Variants in SEPTIN14 observed in about 807,000 individuals in gnomAD.
SEPTIN14 encodes the protein septin 14, also known as septin-14.
A neutral mutation model predicts 53.6 loss-of-function variants in SEPTIN14; 40 were observed. That is an observed-to-expected ratio of 0.75 (90% confidence interval 0.58 to 0.97). The LOEUF is 0.97. Among genes scored for constraint, SEPTIN14 ranks in the 50% least tolerant of loss-of-function variants. The pLI is 0.00. For missense variants in SEPTIN14, 471 were observed against 508.2 expected, an observed-to-expected ratio of 0.93 and a Z score of 0.70; for synonymous variants, 138 against 166.8, an observed-to-expected ratio of 0.83 and a Z score of 1.33.
chr7:55,848,480 A>G (rs1461922503), intron 2 of SEPTIN14, among the ~76,000 whole-genome samples: 1 of 151,832 alleles, frequency 6.6e-6, no homozygotes, highest in African/African-American at 2.4e-5. Flanking sequence ...TATTTTTGAT[A>G]GAGACGGGGT....
chr7:55,812,886 T>A (rs903682988), intron 7 of SEPTIN14, among the ~76,000 whole-genome samples: 1 of 151,710 alleles, frequency 6.6e-6, no homozygotes, highest in African/African-American at 2.4e-5. Flanking sequence ...GCATTGGAAC[T>A]CAGTGACTGC....
chr7:55,846,506 T>G lies in SEPTIN14; in HGVS notation c.175+11A>C, dbSNP rs1789417628. ...TGAAGGAATAATTCAAATGAGGTGT[T>G]TGACACTTACCCACACAGAGAATAT... On this transcript the variant is annotated intron_variant, in intron 3 of 9. Transcript: ENST00000388975. 17 of 1,567,312 alleles carry G rather than the reference T, an allele frequency of 1.1e-5. No individual in the cohort carries two copies. The highest frequency in any genetic ancestry group is 1.5e-5 in the Non-Finnish European group (17 of 1,159,426).
chr7:55,817,981 G>A (rs7787574), intron 7 of SEPTIN14, among the ~76,000 whole-genome samples: 93,289 of 151,876 alleles, frequency 0.61, 30,447 homozygotes, highest in East Asian at 0.85. Context: ...TCCTGTGTTT[G>A]TCATGTCCAG....
At chr7:55,830,349 A>ATATATATAT (rs71015108) in intron 6 of SEPTIN14, among the ~76,000 whole-genome samples, 5 of 56,856 alleles carry the variant, frequency 8.8e-5, no homozygotes, top group East Asian at 1.2e-3. Flanking sequence ...ATATATATAT[A>ATATATATAT]TTTTTTTTTT....
intron 6 of SEPTIN14, among the ~76,000 whole-genome samples, chr7:55,825,309 A>G (rs1252573219): frequency 6.6e-6 from 1 of 152,246 alleles, no homozygotes; most frequent in Non-Finnish European, 1.5e-5. Flanking sequence ...ACGGAGAGTA[A>G]AAAGATCAAT....
At chr7:55,810,778 A>C (rs1244238299) in intron 7 of SEPTIN14, 3 of 197,180 alleles carry the variant, frequency 1.5e-5, no homozygotes, top group Admixed American at 1.1e-4. Context: ...GCACCCTGCC[A>C]GCTTTTGTTA....
intron 2 of SEPTIN14, among the ~76,000 whole-genome samples, chr7:55,858,569 C>G (rs916340995): frequency 6.6e-6 from 1 of 152,136 alleles, no homozygotes; most frequent in African/African-American, 2.4e-5. Flanking sequence ...CTTTGGGAGG[C>G]AGAGGCGAGC....
At chr7:55,809,989 C>T (rs1254776253) in intron 7 of SEPTIN14, among the ~76,000 whole-genome samples, 13 of 151,866 alleles carry the variant, frequency 8.6e-5, no homozygotes, top group Admixed American at 2.6e-4. Context: ...CCCGTCACTA[C>T]GCCAGGCTGA....
rs200378180 is a variant in SEPTIN14, at chr7:55,857,393, A to AAAGAGAAGAG, written c.54+4540_54+4549dup. ...GTCTCGAAAAGAAAAGAAAAGGAAAAAAGAGAAGAGAAGAGAAGAGAAAGA... is the reference window on the plus strand; with the variant it reads ...GTCTCGAAAAGAAAAGAAAAGGAAAAAAGAGAAGAGAAGAGAAGAGAAGAGAAGAGAAAGA... On this transcript the variant is annotated intron_variant, in intron 2 of 9. Coordinates refer to ENST00000388975, the MANE Select transcript of SEPTIN14 (RefSeq NM_207366.3). 2.0e-3 allele frequency among the ~76,000 whole-genome samples: 289 copies of AAAGAGAAGAG among 144,634 alleles called. 2 individuals carry two copies. Among genetic ancestry groups the AAAGAGAAGAG allele is most frequent in the Middle Eastern group, 7.1e-3 (2 of 282 alleles). 94.9% of individuals were successfully genotyped at this position (144,634 alleles called of 152,430 possible). A position where few individuals can be genotyped will look rare whatever the true frequency, so the allele number is the denominator to read the frequency against.
At chr7:55,803,233 C>T (rs1026690804) in intron 9 of SEPTIN14, among the ~76,000 whole-genome samples, 2 of 151,974 alleles carry the variant, frequency 1.3e-5, no homozygotes, top group African/African-American at 2.4e-5. Flanking sequence ...CCACTGCACC[C>T]GGCTGAACCT....
chr7:55,825,366 A>T (rs1788964627), intron 6 of SEPTIN14, among the ~76,000 whole-genome samples: 1 of 152,246 alleles, frequency 6.6e-6, no homozygotes, highest in African/African-American at 2.4e-5. Flanking sequence ...GAATAGGTCA[A>T]GTACAGGTGA....
intron 9 of SEPTIN14, among the ~76,000 whole-genome samples, chr7:55,802,913 A>G (rs1788545659): frequency 6.6e-6 from 1 of 151,946 alleles, no homozygotes; most frequent in African/African-American, 2.4e-5. Context: ...TGAAAACCTC[A>G]TTCCGAAAAT....
At chr7:55,820,538 C>A (rs1788874267) in intron 6 of SEPTIN14, among the ~76,000 whole-genome samples, 2 of 152,110 alleles carry the variant, frequency 1.3e-5, no homozygotes, top group Admixed American at 1.3e-4. Flanking sequence ...GTCATTGATC[C>A]CATAGCATAG....
intron 6 of SEPTIN14, among the ~76,000 whole-genome samples, chr7:55,823,344 C>G (rs547885740): frequency 6.6e-6 from 1 of 152,180 alleles, no homozygotes; most frequent in Non-Finnish European, 1.5e-5. Context: ...AAGCCCTGGG[C>G]TTAGCCACAC....
At chr7:55,818,456 G>C (rs1738170944) in intron 7 of SEPTIN14, among the ~76,000 whole-genome samples, 1 of 124,018 alleles carries the variant, frequency 8.1e-6, no homozygotes, top group South Asian at 2.6e-4. Context: ...TGGGCAACAC[G>C]AGTGAAACTC....
intron 3 of SEPTIN14, among the ~76,000 whole-genome samples, chr7:55,846,065 GTATATATATATATA>G (rs56306800): frequency 1.3e-4 from 5 of 39,746 alleles, no homozygotes; most frequent in East Asian, 7.0e-4. Context: ...AAAAAAAAAA[GTATATATATATATA>G]TATATATATA....
In SEPTIN14 at chr7:55,815,339, C is replaced by T. The variant is rs147248059; in HGVS notation, c.817+3788G>A. Among the ~76,000 whole-genome samples the T allele has an allele frequency of 2.8e-3, 422 of 152,138 alleles. 5 individuals carry two copies. The highest frequency in any genetic ancestry group is 0.01 in the Middle Eastern group (3 of 294). ...GAAACAACAAAGTGAAGAAACAATA[C>T]ACACAATGAGAAAATATTTGCAAAC... is the stretch of plus-strand genomic sequence containing the variant. On this transcript the variant is annotated intron_variant, in intron 7 of 9. Coordinates refer to ENST00000388975, the MANE Select transcript of SEPTIN14 (RefSeq NM_207366.3).
rs536900956 is a variant in SEPTIN14, at chr7:55,823,419, T to TTC, written c.721-4198_721-4197dup. Among the ~76,000 whole-genome samples the TTC allele has an allele frequency of 2.8e-3, 424 of 152,302 alleles. 5 individuals are homozygous for TTC. The highest frequency in any genetic ancestry group is 0.01 in the Middle Eastern group (3 of 294). ...GCTGTTCCATCACTCAATAAAATTC[T>TTC]TCTGTCTTCCTCATCCTTCAATTGT... On this transcript the variant is annotated intron_variant, in intron 6 of 9. Transcript: ENST00000388975.
At chr7:55,828,732 T>C (rs1789035660) in intron 6 of SEPTIN14, among the ~76,000 whole-genome samples, 1 of 152,122 alleles carries the variant, frequency 6.6e-6, no homozygotes, top group Admixed American at 6.5e-5. Flanking sequence ...CCTTTATAGG[T>C]GATTTGAAAA....
Sources: allele counts gnomAD v4.1 joint callset (sites outside exome capture counted in the v4.1 genomes callset), GRCh38; gene constraint gnomAD v4.1.1; transcripts MANE v1.5; gene names NCBI Gene and HGNC (gene_info 2026-07-23, HGNC 2026-07-21).